GALNT2: variants seen among roughly 807,000 people sequenced by gnomAD.
GALNT2 encodes UDP-GalNAc:polypeptide N-acetylgalactosaminyltransferase 2.
A neutral mutation model predicts 81.4 loss-of-function variants in GALNT2; 31 were observed. That is an observed-to-expected ratio of 0.38 (90% CI 0.29 to 0.51). The LOEUF (loss-of-function observed/expected upper bound fraction) is 0.51. GALNT2 is among the 20% of genes least tolerant of loss of function. GALNT2 has a pLI of 0.87. For missense variants in GALNT2, 629 were observed against 765.7 expected (o/e 0.82, Z 2.11); for synonymous variants, 303 against 287.4 (o/e 1.05, Z -0.55).
chr1:230,252,759 AG>A (rs1665587806), intron 10 of GALNT2, among the ~76,000 whole-genome samples: 1 of 151,798 alleles, frequency 6.6e-6, no homozygotes, highest in Admixed American at 6.6e-5. Context: ...AGAGAAGCCA[AG>A]GGGATTTCCT....
chr1:230,254,412 C>T (rs1665643512), intron 10 of GALNT2, among the ~76,000 whole-genome samples: 1 of 152,180 alleles, frequency 6.6e-6, no homozygotes, highest in South Asian at 2.1e-4. Context: ...AGGGAGCATT[C>T]CTACCTGGGC....
At chr1:230,182,045 G>A (rs1270966348) in intron 2 of GALNT2, among the ~76,000 whole-genome samples, 4 of 152,098 alleles carry the variant, frequency 2.6e-5, no homozygotes, top group Non-Finnish European at 4.4e-5. Flanking sequence ...ATACTATTCC[G>A]TATTGTCCTT....
At chr1:230,165,688 A>G (rs1572039283) in intron 1 of GALNT2, among the ~76,000 whole-genome samples, 2 of 152,256 alleles carry the variant, frequency 1.3e-5, no homozygotes, top group East Asian at 3.8e-4. Context: ...TTGAAGGCAG[A>G]GAATGGACTT....
intron 1 of GALNT2, among the ~76,000 whole-genome samples, chr1:230,089,686 C>T (rs946320826): frequency 3.9e-5 from 6 of 152,170 alleles, no homozygotes; most frequent in African/African-American, 1.4e-4. Context: ...TTTGAATTGG[C>T]TTATTTCACT....
intron 3 of GALNT2, among the ~76,000 whole-genome samples, chr1:230,206,119 T>C (rs1454943938): frequency 6.6e-6 from 1 of 152,130 alleles, no homozygotes; most frequent in Non-Finnish European, 1.5e-5. Flanking sequence ...GGTTAAGAGC[T>C]AGTTTTCCCA....
At chr1:230,207,937 A>G (rs1490549634) in intron 3 of GALNT2, among the ~76,000 whole-genome samples, 1 of 152,158 alleles carries the variant, frequency 6.6e-6, no homozygotes, top group African/African-American at 2.4e-5. Flanking sequence ...TTGATATATC[A>G]TAGTTGTTAT....
In GALNT2 at chr1:230,070,553, T is replaced by C. The variant is rs901555506; in HGVS notation, c.126+3147T>C. ...GCTGGGAGGTAAGGGACGGTGTTAG[T>C]TGAGGGACATGATCCGGAGCCCTGG... On this transcript the variant is annotated intron_variant, in intron 1 of 15. Transcript: ENST00000366672. This position sits in a 1 kb window ranked among gnomAD's most constrained non-coding sequence, Gnocchi z 4.7. Among the ~76,000 whole-genome samples, 5 of 152,068 alleles carry C rather than the reference T, an allele frequency of 3.3e-5. No homozygotes were observed. The highest frequency in any genetic ancestry group is 7.2e-5 in the African/African-American group (3 of 41,388).
intron 1 of GALNT2, among the ~76,000 whole-genome samples, chr1:230,118,688 C>T (rs1005124080): frequency 2.0e-5 from 3 of 151,852 alleles, no homozygotes; most frequent in Non-Finnish European, 4.4e-5. Context: ...GACTGGCTGT[C>T]GGTTCTTCCC....
intron 9 of GALNT2, among the ~76,000 whole-genome samples, chr1:230,249,990 C>T (rs1228221840): frequency 6.6e-6 from 1 of 152,116 alleles, no homozygotes; most frequent in Non-Finnish European, 1.5e-5. Context: ...ATGGTGGGTT[C>T]CCTTGTAGGA....
At chr1:230,195,039 T>C (rs1314491730) in intron 2 of GALNT2, among the ~76,000 whole-genome samples, 4 of 152,192 alleles carry the variant, frequency 2.6e-5, no homozygotes, top group African/African-American at 9.7e-5. Flanking sequence ...CTGAAAAGGG[T>C]ACAGCAAACA....
intron 1 of GALNT2, among the ~76,000 whole-genome samples, chr1:230,076,436 A>AGTTGCTGC (rs1327183655): frequency 1.3e-5 from 2 of 151,960 alleles, no homozygotes; most frequent in African/African-American, 4.8e-5. Flanking sequence ...GATCTTTGGG[A>AGTTGCTGC]GTTGCTGCGG....
chr1:230,200,428 G>A (rs1663854462), intron 2 of GALNT2, among the ~76,000 whole-genome samples: 1 of 152,068 alleles, frequency 6.6e-6, no homozygotes, highest in Non-Finnish European at 1.5e-5. Flanking sequence ...CACAGCATGG[G>A]TCACGGGCCT....
chr1:230,195,360 C>T (rs962938203), intron 2 of GALNT2, among the ~76,000 whole-genome samples: 2 of 152,148 alleles, frequency 1.3e-5, no homozygotes, highest in African/African-American at 4.8e-5. Context: ...TTATAAGGCC[C>T]CCTGGCAAGA....
At chr1:230,276,237 G>A (rs890160636) in intron 15 of GALNT2, among the ~76,000 whole-genome samples, 6 of 151,846 alleles carry the variant, frequency 4.0e-5, no homozygotes, top group Admixed American at 3.3e-4. Context: ...CTTGTAAGCC[G>A]GTTTTCTCTG....
intron 1 of GALNT2, among the ~76,000 whole-genome samples, chr1:230,170,128 A>G (rs1662744888): frequency 6.6e-6 from 1 of 152,166 alleles, no homozygotes; most frequent in Non-Finnish European, 1.5e-5. Flanking sequence ...TAAACCTTTC[A>G]TATCTTTTGA....
chr1:230,213,388 A>T (rs1664292772), intron 3 of GALNT2, among the ~76,000 whole-genome samples: 1 of 152,216 alleles, frequency 6.6e-6, no homozygotes, highest in African/African-American at 2.4e-5. Context: ...TCATTATGAA[A>T]TGCACTTCTT....
chr1:230,111,996 T>TAAGC (rs1438176164), intron 1 of GALNT2, among the ~76,000 whole-genome samples: 1 of 152,050 alleles, frequency 6.6e-6, no homozygotes, highest in East Asian at 1.9e-4. Flanking sequence ...CAGGCTGGCT[T>TAAGC]AAGCAGAAAA....
At chr1:230,095,355 T>G (rs1039707056) in intron 1 of GALNT2, among the ~76,000 whole-genome samples, 9 of 152,110 alleles carry the variant, frequency 5.9e-5, no homozygotes, top group African/African-American at 2.2e-4. Context: ...ATGAGGCGTT[T>G]TTATTATCCC....
At chr1:230,141,788 CTTTTTTTT>C (rs60824749) in intron 1 of GALNT2, among the ~76,000 whole-genome samples, 26 of 101,332 alleles carry the variant, frequency 2.6e-4, no homozygotes, top group African/African-American at 7.2e-4. Context: ...TTTTGTTTTC[CTTTTTTTT>C]TTTTTTTTTT....
Sources: allele counts gnomAD v4.1 joint callset (sites outside exome capture counted in the v4.1 genomes callset), GRCh38; gene constraint gnomAD v4.1.1; non-coding constraint Gnocchi (gnomAD v3.1); transcripts MANE v1.5; gene names NCBI Gene and HGNC (gene_info 2026-07-23, HGNC 2026-07-21).